The following CAMKMT variants were observed in gnomAD, a reference collection of about 807,000 sequenced individuals.
CAMKMT encodes CaM KMT.
CAMKMT carries 53 observed loss-of-function variants against 48.0 expected under a neutral mutation model. The ratio of observed to expected loss-of-function variants is 1.10; its 90% CI spans 0.89 to 1.39. The LOEUF is 1.39. Ranked by LOEUF, CAMKMT falls within the 40% of genes most tolerant of loss-of-function variation. The pLI is 0.00. For synonymous variants in CAMKMT, 165 were observed against 152.3 expected (o/e 1.08, Z -0.61); for missense variants, 428 against 402.7 (o/e 1.06, Z -0.54).
intron 3 of CAMKMT, among the ~76,000 whole-genome samples, chr2:44,396,886 C>T (rs1014316326): frequency 6.6e-6 from 1 of 151,816 alleles, no homozygotes; most frequent in Non-Finnish European, 1.5e-5. Flanking sequence ...TGGTGAAACC[C>T]TGTCTCTACT....
At chr2:44,533,132 G>C (rs932528204) in intron 3 of CAMKMT, among the ~76,000 whole-genome samples, 1 of 151,590 alleles carries the variant, frequency 6.6e-6, no homozygotes, top group African/African-American at 2.4e-5. Flanking sequence ...TTTAAACGGA[G>C]TAATAGATCA....
At chr2:44,585,791 G>T (rs1669825913) in intron 3 of CAMKMT, among the ~76,000 whole-genome samples, 1 of 152,174 alleles carries the variant, frequency 6.6e-6, no homozygotes, top group Admixed American at 6.5e-5. Flanking sequence ...TAAGACAAGA[G>T]ACTTAGGAGT....
intron 3 of CAMKMT, among the ~76,000 whole-genome samples, chr2:44,613,785 G>A (rs1671722805): frequency 2.0e-5 from 3 of 152,164 alleles, no homozygotes; most frequent in Non-Finnish European, 2.9e-5. Context: ...ATATCAGCCA[G>A]TCTGACTCCT....
chr2:44,398,683 T>A (rs1397915369), intron 3 of CAMKMT, among the ~76,000 whole-genome samples: 1 of 152,066 alleles, frequency 6.6e-6, no homozygotes, highest in Non-Finnish European at 1.5e-5. Context: ...TGGCTATATA[T>A]TTTAAAAGTG....
At chr2:44,394,898 C>T (rs756104449) in intron 3 of CAMKMT, 47 of 454,232 alleles carry the variant, frequency 1.0e-4, no homozygotes, top group South Asian at 6.7e-4. Context: ...GAGGTATGTT[C>T]CTGTAGTCCC....
At chr2:44,682,432 T>C (rs756816785) in intron 3 of CAMKMT, among the ~76,000 whole-genome samples, 36 of 152,298 alleles carry the variant, frequency 2.4e-4, no homozygotes, top group Non-Finnish European at 4.6e-4. Flanking sequence ...TTAAACCCAA[T>C]AGAAGAGGTG....
chr2:44,748,665 G>A (rs1450187218), intron 8 of CAMKMT, among the ~76,000 whole-genome samples: 1 of 152,046 alleles, frequency 6.6e-6, no homozygotes, highest in Non-Finnish European at 1.5e-5. Context: ...GAGGTCAGGA[G>A]ATCGAGACCA....
intron 10 of CAMKMT, among the ~76,000 whole-genome samples, chr2:44,767,088 A>G (rs1680874460): frequency 6.6e-6 from 1 of 152,258 alleles, no homozygotes; most frequent in South Asian, 2.1e-4. Flanking sequence ...GATTTAGGTC[A>G]AAAGCACTTA....
chr2:44,541,431 T>C (rs971624854), intron 3 of CAMKMT, among the ~76,000 whole-genome samples: 1 of 152,220 alleles, frequency 6.6e-6, no homozygotes, highest in African/African-American at 2.4e-5. Flanking sequence ...TATGTTTATC[T>C]ATATTTTATT....
chr2:44,433,362 C>T (rs1242536650), intron 3 of CAMKMT, among the ~76,000 whole-genome samples: 2 of 151,922 alleles, frequency 1.3e-5, no homozygotes, highest in Non-Finnish European at 2.9e-5. Context: ...TAATACATAT[C>T]GTGGAACTTT....
chr2:44,616,719 T>C (rs964523649), intron 3 of CAMKMT, among the ~76,000 whole-genome samples: 5 of 152,200 alleles, frequency 3.3e-5, no homozygotes, highest in Admixed American at 6.5e-5. Flanking sequence ...CAGAAAGCCT[T>C]AATTAGATTA....
intron 3 of CAMKMT, among the ~76,000 whole-genome samples, chr2:44,487,082 T>G (rs2104700193): frequency 6.6e-6 from 1 of 152,344 alleles, no homozygotes; most frequent in African/African-American, 2.4e-5. Flanking sequence ...CTTTTGTTAC[T>G]GTAGTTAAAT....
At chr2:44,379,180 A>G (rs868538034) in intron 2 of CAMKMT, among the ~76,000 whole-genome samples, 1 of 152,184 alleles carries the variant, frequency 6.6e-6, no homozygotes, top group Admixed American at 6.5e-5. Context: ...GTGGCCCTGT[A>G]TGTCTGTCTT....
At position 44,700,849 on chromosome 2, in the gene CAMKMT, A is replaced by G. The variant is rs190125803; in HGVS notation, c.377-3434A>G. ...ACTTGCTCGGTGCAGGGTTGCCACA[A>G]ACCTTCAATTTGTAAAACTGTAGAT... On this transcript the variant is annotated intron_variant, in intron 3 of 10. Transcript: ENST00000378494. Among the ~76,000 whole-genome samples, 80 of 152,344 alleles carry G rather than the reference A, an allele frequency of 5.3e-4. 1 individual carries two copies. The highest frequency in any genetic ancestry group is 2.8e-4 in the Non-Finnish European group (19 of 68,026).
intron 10 of CAMKMT, among the ~76,000 whole-genome samples, chr2:44,768,361 A>ATATATATATATTTT (rs35058824): frequency 1.7e-4 from 20 of 115,724 alleles, no homozygotes; most frequent in African/African-American, 6.7e-4. Context: ...ATATATATAT[A>ATATATATATATTTT]TTTTTTTTTT....
At chr2:44,667,475 A>G (rs1292952288) in intron 3 of CAMKMT, among the ~76,000 whole-genome samples, 1 of 152,158 alleles carries the variant, frequency 6.6e-6, no homozygotes, top group Non-Finnish European at 1.5e-5. Flanking sequence ...ACAAGTTGCT[A>G]TTATCCGCTA....
chr2:44,591,823 A>T (rs1456977218), intron 3 of CAMKMT, among the ~76,000 whole-genome samples: 15 of 152,058 alleles, frequency 9.9e-5, no homozygotes, highest in Admixed American at 9.8e-4. Flanking sequence ...CAAATGTCCA[A>T]CAGTGATAGA....
chr2:44,754,591 T>C (rs1338111522), intron 9 of CAMKMT, among the ~76,000 whole-genome samples: 1 of 152,212 alleles, frequency 6.6e-6, no homozygotes, highest in Non-Finnish European at 1.5e-5. Context: ...TGAATCTGTA[T>C]ATTAATAGTT....
At chr2:44,586,386 G>C (rs942968501) in intron 3 of CAMKMT, among the ~76,000 whole-genome samples, 3 of 151,406 alleles carry the variant, frequency 2.0e-5, no homozygotes, top group African/African-American at 7.3e-5. Flanking sequence ...TCAAAATAAT[G>C]AACATATTTA....
Sources: allele counts gnomAD v4.1 joint callset (sites outside exome capture counted in the v4.1 genomes callset), GRCh38; gene constraint gnomAD v4.1.1; transcripts MANE v1.5; gene names NCBI Gene and HGNC (gene_info 2026-07-23, HGNC 2026-07-21).